The following RSRC1 variants were observed in gnomAD, a reference collection of about 807,000 sequenced individuals.
RSRC1 encodes the protein arginine and serine rich coiled-coil 1.
Under a neutral mutation model 49.1 loss-of-function variants are expected in RSRC1, and 39 were observed. The ratio of observed to expected loss-of-function variants is 0.79; its 90% confidence interval spans 0.61 to 1.04. The LOEUF is 1.04. RSRC1 is among the 50% of genes least tolerant of loss of function. RSRC1 has a pLI of 0.00. For synonymous variants in RSRC1, 143 were observed against 130.8 expected (o/e 1.09, Z -0.63); for missense variants, 388 against 402.4 (o/e 0.96, Z 0.31).
intron 3 of RSRC1, among the ~76,000 whole-genome samples, chr3:158,199,340 A>G (rs968737369): frequency 6.6e-6 from 1 of 152,152 alleles, no homozygotes; most frequent in Non-Finnish European, 1.5e-5. Flanking sequence ...CTGAGTATCT[A>G]GGATGAGTTC....
chr3:158,184,613 G>A (rs1193732756), intron 3 of RSRC1, among the ~76,000 whole-genome samples: 1 of 152,050 alleles, frequency 6.6e-6, no homozygotes, highest in Non-Finnish European at 1.5e-5. Context: ...CAAGAGAGTT[G>A]GAAGTCTTAT....
chr3:158,363,567 C>G (rs910885628), intron 6 of RSRC1, among the ~76,000 whole-genome samples: 1 of 151,998 alleles, frequency 6.6e-6, no homozygotes, highest in Non-Finnish European at 1.5e-5. Flanking sequence ...GCCCAGCCCT[C>G]GAGCTACTTC....
rs74907076 is a variant in RSRC1, at chr3:158,520,023, C to A, written c.653-17069C>A. On this transcript the variant is annotated intron_variant, in intron 7 of 9. Transcript: ENST00000611884. ...AGTTTCAGGAATGAAGAAGTGGTCA[C>A]TTCTGTTGAATGACGGACTGGAGAA... Among the ~76,000 whole-genome samples, 885 of 152,206 alleles carry A rather than the reference C, an allele frequency of 5.8e-3. 6 individuals carry two copies. The highest frequency in any genetic ancestry group is 0.02 in the African/African-American group (834 of 41,536).
At chr3:158,433,242 A>G (rs762429277) in intron 6 of RSRC1, among the ~76,000 whole-genome samples, 19 of 151,970 alleles carry the variant, frequency 1.3e-4, no homozygotes, top group South Asian at 2.1e-4. Flanking sequence ...AAATACTCTG[A>G]ATTATTAGTC....
intron 6 of RSRC1, among the ~76,000 whole-genome samples, chr3:158,394,023 T>C (rs1733474936): frequency 6.6e-6 from 1 of 151,980 alleles, no homozygotes; most frequent in South Asian, 2.1e-4. Flanking sequence ...ATAAATATGA[T>C]CCATCAAATA....
chr3:158,384,476 A>G (rs923705707), intron 6 of RSRC1, among the ~76,000 whole-genome samples: 1 of 152,150 alleles, frequency 6.6e-6, no homozygotes, highest in Non-Finnish European at 1.5e-5. Flanking sequence ...GGCAGCAGGA[A>G]TAGCATGGCA....
intron 5 of RSRC1, among the ~76,000 whole-genome samples, chr3:158,351,108 CT>C (rs1283914895): frequency 1.3e-5 from 2 of 152,130 alleles, no homozygotes; most frequent in Admixed American, 6.5e-5. Flanking sequence ...AACTGAGCTA[CT>C]TTTTCTGAGC....
intron 7 of RSRC1, among the ~76,000 whole-genome samples, chr3:158,507,981 G>A (rs958863497): frequency 3.9e-5 from 6 of 152,090 alleles, no homozygotes; most frequent in Admixed American, 3.9e-4. Context: ...GCTCAGATGG[G>A]AGTACCCCTA....
intron 4 of RSRC1, among the ~76,000 whole-genome samples, chr3:158,205,383 A>G (rs898704322): frequency 6.6e-6 from 1 of 152,144 alleles, no homozygotes; most frequent in Non-Finnish European, 1.5e-5. Context: ...AATATTTAAT[A>G]TTTAAATATT....
At chr3:158,372,748 T>G (rs1732150160) in intron 6 of RSRC1, among the ~76,000 whole-genome samples, 1 of 151,960 alleles carries the variant, frequency 6.6e-6, no homozygotes, top group Non-Finnish European at 1.5e-5. Context: ...TCAACTGGAA[T>G]TTTGATTAGA....
intron 3 of RSRC1, among the ~76,000 whole-genome samples, chr3:158,195,638 A>G (rs1248242319): frequency 6.6e-6 from 1 of 152,088 alleles, no homozygotes; most frequent in Non-Finnish European, 1.5e-5. Context: ...TAGGTCTAAG[A>G]TTTAAGTCTA....
chr3:158,138,429 A>G (rs1716538425), intron 3 of RSRC1, among the ~76,000 whole-genome samples: 1 of 152,188 alleles, frequency 6.6e-6, no homozygotes, highest in Admixed American at 6.5e-5. Context: ...TGCCTCATTT[A>G]TGCAGCGTGA....
chr3:158,156,361 T>C (rs370542267), intron 3 of RSRC1, among the ~76,000 whole-genome samples: 6 of 152,342 alleles, frequency 3.9e-5, no homozygotes, highest in Admixed American at 1.3e-4. Flanking sequence ...GGTTTGATCT[T>C]CTATTCAGCC....
chr3:158,175,116 T>A (rs577521724), intron 3 of RSRC1, among the ~76,000 whole-genome samples: 1 of 152,266 alleles, frequency 6.6e-6, no homozygotes, highest in South Asian at 2.1e-4. Context: ...GTGGATAATC[T>A]CTTTTATGAA....
chr3:158,233,881 A>C (rs1723100116), intron 4 of RSRC1, among the ~76,000 whole-genome samples: 1 of 152,078 alleles, frequency 6.6e-6, no homozygotes, highest in South Asian at 2.1e-4. Flanking sequence ...CTATCTTAAC[A>C]CTTTAGATGA....
chr3:158,267,170 A>G (rs1725237912), intron 4 of RSRC1, among the ~76,000 whole-genome samples: 1 of 152,280 alleles, frequency 6.6e-6, no homozygotes, highest in South Asian at 2.1e-4. Context: ...TGGTTGTTCC[A>G]ATGCCTTCTG....
chr3:158,536,896 T>G (rs1023340421), intron 7 of RSRC1, among the ~76,000 whole-genome samples, 196 bp from the exon 8 acceptor site: 3 of 151,578 alleles, frequency 2.0e-5, no homozygotes, highest in African/African-American at 7.2e-5. Flanking sequence ...TAGCAGTGTT[T>G]TAGGTTTTGA....
chr3:158,299,320 TTTTATTTA>T (rs1283677025), intron 5 of RSRC1, among the ~76,000 whole-genome samples: 2 of 151,780 alleles, frequency 1.3e-5, no homozygotes, highest in African/African-American at 2.4e-5. Flanking sequence ...TATTTTTTAT[TTTTATTTA>T]TTTATTTATT....
At chr3:158,274,658 T>C (rs1156670984) in intron 4 of RSRC1, among the ~76,000 whole-genome samples, 3 of 152,106 alleles carry the variant, frequency 2.0e-5, no homozygotes, top group African/African-American at 7.2e-5. Context: ...TCCTTTACAC[T>C]CAAACTCAAC....
Sources: gnomAD v4.1 joint callset for allele counts (sites outside exome capture counted in the v4.1 genomes callset) on GRCh38, gnomAD v4.1.1 for gene constraint, MANE v1.5 for transcripts, NCBI Gene and HGNC (gene_info 2026-07-23, HGNC 2026-07-21) for gene names.